Variants in MVB12B observed in about 807,000 individuals in gnomAD.
The protein encoded by MVB12B is ESCRT-I complex subunit MVB12B.
A neutral mutation model predicts 41.6 loss-of-function variants in MVB12B; 16 were observed. That is an observed-to-expected ratio of 0.38 (90% CI 0.26 to 0.58). MVB12B has a LOEUF of 0.58. MVB12B is among the 20% of genes least tolerant of loss of function. The pLI is 0.62. For synonymous variants in MVB12B, 133 were observed against 139.7 expected, an observed-to-expected ratio of 0.95 and a Z score of 0.34; for missense variants, 274 against 380.2, an observed-to-expected ratio of 0.72 and a Z score of 2.32.
Position 126,386,519 on chromosome 9 carries a change from A to G in MVB12B, c.313-43A>G, listed in dbSNP as rs750971278. 1.1e-5 allele frequency: 17 copies of G among 1,483,304 alleles called. No homozygotes were observed. The highest frequency in any genetic ancestry group is 9.4e-6 in the Non-Finnish European group (10 of 1,062,354). The allele number at this position is 1,483,304 out of a possible 1,614,324, so 91.9% of individuals were successfully genotyped here. A position where few individuals can be genotyped will look rare whatever the true frequency, so the allele number is the denominator to read the frequency against. ...CCAAAATGGCAAACCCACCACATGC[A>G]TGTTCAGATTAATAGTCTGTATCTC... On this transcript the variant is annotated intron_variant, in intron 3 of 9. Transcript: ENST00000361171. This position sits in a 1 kb window ranked among gnomAD's most constrained non-coding sequence, Gnocchi z 4.3.
At chr9:126,425,995 TAAA>T (rs935491630) in intron 7 of MVB12B, among the ~76,000 whole-genome samples, 3 of 152,152 alleles carry the variant, frequency 2.0e-5, no homozygotes, top group African/African-American at 7.2e-5. Flanking sequence ...TGGACAAAAA[TAAA>T]AAGAGTAATA....
intron 7 of MVB12B, among the ~76,000 whole-genome samples, chr9:126,441,439 A>C (rs1832637928): frequency 1.3e-5 from 2 of 152,232 alleles, no homozygotes; most frequent in Admixed American, 1.3e-4. Flanking sequence ...AGACTAGCAT[A>C]TTTATCTTTG....
intron 2 of MVB12B, among the ~76,000 whole-genome samples, chr9:126,361,380 A>AT (rs1011684823): frequency 6.6e-6 from 1 of 151,872 alleles, no homozygotes; most frequent in Admixed American, 6.6e-5. Flanking sequence ...GTTGGCATAC[A>AT]TTTTTTTTCT....
chr9:126,427,032 C>G (rs1248640089), intron 7 of MVB12B: 1 of 152,164 alleles, frequency 6.6e-6, no homozygotes, highest in Non-Finnish European at 1.5e-5. Flanking sequence ...GAGTGTTAGT[C>G]CTATGGATAC....
intron 7 of MVB12B, among the ~76,000 whole-genome samples, chr9:126,475,076 G>A (rs1036273284): frequency 6.6e-6 from 1 of 152,108 alleles, no homozygotes; most frequent in Non-Finnish European, 1.5e-5. Context: ...GTTATTCCAC[G>A]CCTCTTCCAT....
In MVB12B at chr9:126,392,381, T is replaced by C. The variant is rs1830984162; in HGVS notation, c.539+186T>C. On this transcript the variant is annotated intron_variant, in intron 5 of 9. Coordinates refer to ENST00000361171, the MANE Select transcript of MVB12B (RefSeq NM_033446.3). This position sits in a 1 kb window ranked among gnomAD's most constrained non-coding sequence, Gnocchi z 4.8. ...GGTCTCTCTGAGCCTCGGCTCGCAC[T>C]GCTGACTCCACCTTAGGGCCTTTCC... 6.6e-6 allele frequency among the ~76,000 whole-genome samples: 1 copy of C among 152,216 alleles called. No homozygotes were observed.
chr9:126,350,572 G>A (rs1033462549), intron 2 of MVB12B, among the ~76,000 whole-genome samples: 1 of 152,234 alleles, frequency 6.6e-6, no homozygotes, highest in African/African-American at 2.4e-5. Flanking sequence ...TGAAGATTCA[G>A]CAGAGTCCCA....
intron 7 of MVB12B, among the ~76,000 whole-genome samples, chr9:126,428,789 T>A (rs1832252030): frequency 6.6e-6 from 1 of 152,168 alleles, no homozygotes; most frequent in Non-Finnish European, 1.5e-5. Flanking sequence ...GTGTTCCTGA[T>A]AACCACCAAG....
chr9:126,497,401 C>G (rs967938173), intron 9 of MVB12B, among the ~76,000 whole-genome samples: 1 of 152,082 alleles, frequency 6.6e-6, no homozygotes, highest in Non-Finnish European at 1.5e-5. Context: ...GCCCACGCCC[C>G]GCAGTGTGGT....
rs1027898904 is a variant in MVB12B, at chr9:126,391,799, TGCG to T, written c.410-264_410-262del. ...GGCTGAGCAGTGAGCAGATTGTGGT[TGCG>T]GCTCTTAGAAGCCACCCAGATTTAC... On this transcript the variant is annotated intron_variant, in intron 4 of 9. Transcript: ENST00000361171. This position sits in a 1 kb window ranked among gnomAD's most constrained non-coding sequence, Gnocchi z 4.4. Among the ~76,000 whole-genome samples the T allele has an allele frequency of 6.6e-6, 1 of 152,208 alleles. No homozygotes were observed. Among genetic ancestry groups the T allele is most frequent in the African/African-American group, 2.4e-5 (1 of 41,452 alleles).
intron 1 of MVB12B, among the ~76,000 whole-genome samples, chr9:126,329,994 G>A (rs956253942): frequency 6.7e-6 from 1 of 148,982 alleles, no homozygotes; most frequent in Non-Finnish European, 1.5e-5. Context: ...TCCCTGCGCT[G>A]TCTGCACTAG....
intron 7 of MVB12B, among the ~76,000 whole-genome samples, chr9:126,477,824 G>C (rs1176264649): frequency 3.3e-5 from 5 of 152,214 alleles, no homozygotes; most frequent in African/African-American, 1.2e-4. Context: ...TAAACTCAGA[G>C]CAGCCAGCCT....
At chr9:126,458,593 C>T (rs758076258) in intron 7 of MVB12B, among the ~76,000 whole-genome samples, 2 of 152,298 alleles carry the variant, frequency 1.3e-5, no homozygotes, top group African/African-American at 2.4e-5. Flanking sequence ...TTGGGCCTTG[C>T]GTTTCATGGT....
At position 126,476,947 on chromosome 9, in the gene MVB12B, T is replaced by G. The variant is rs142249681; in HGVS notation, c.758-4422T>G. On this transcript the variant is annotated intron_variant, in intron 7 of 9. Coordinates refer to ENST00000361171, the MANE Select transcript of MVB12B (RefSeq NM_033446.3). ...GTATATTTTTACATAATATATGTGATATATATATATTTGTGTGTTAGGCTG... is the reference window on the plus strand; with the variant it reads ...GTATATTTTTACATAATATATGTGAGATATATATATTTGTGTGTTAGGCTG... Among the ~76,000 whole-genome samples, 12 of 151,936 alleles carry G rather than the reference T, an allele frequency of 7.9e-5. No homozygotes were observed. In the East Asian group the frequency reaches 2.3e-3, roughly 29 times the overall value.
At chr9:126,441,501 G>C (rs1262321922) in intron 7 of MVB12B, among the ~76,000 whole-genome samples, 1 of 152,210 alleles carries the variant, frequency 6.6e-6, no homozygotes, top group South Asian at 2.1e-4. Context: ...GATAAAAATG[G>C]ATTTACCTTT....
chr9:126,497,675 A>T (rs1833867251), intron 9 of MVB12B, among the ~76,000 whole-genome samples: 1 of 149,272 alleles, frequency 6.7e-6, no homozygotes, highest in Non-Finnish European at 1.5e-5. Context: ...CCTACCCCCA[A>T]GGCCCACCTG....
intron 6 of MVB12B, among the ~76,000 whole-genome samples, chr9:126,405,586 A>G (rs1255447518): frequency 1.3e-5 from 2 of 151,882 alleles, no homozygotes; most frequent in Non-Finnish European, 2.9e-5. Flanking sequence ...TGGGCGTTAA[A>G]CCAGCGATAT....
chr9:126,452,904 G>C (rs1289843540), intron 7 of MVB12B, among the ~76,000 whole-genome samples: 1 of 152,150 alleles, frequency 6.6e-6, no homozygotes, highest in African/African-American at 2.4e-5. Flanking sequence ...TTGCAGTCTA[G>C]TTCTTTCTCA....
rs138024671 is a variant in MVB12B at position 126,438,517 on chromosome 9, A to G, written c.757+16569A>G. Among the ~76,000 whole-genome samples, 18 of 152,234 alleles carry G rather than the reference A, an allele frequency of 1.2e-4. 1 individual carries two copies. Among genetic ancestry groups the G allele is most frequent in the African/African-American group, 4.3e-4 (18 of 41,530 alleles). ...TCGGATCCAAGTCCAGGTGGTGTGT[A>G]CCCCTAGGTAACATTCATGTAGGCT... On this transcript the variant is annotated intron_variant, in intron 7 of 9. Coordinates refer to ENST00000361171, the MANE Select transcript of MVB12B (RefSeq NM_033446.3).
Sources: gnomAD v4.1 joint callset for allele counts (sites outside exome capture counted in the v4.1 genomes callset) on GRCh38, gnomAD v4.1.1 for gene constraint, Gnocchi (gnomAD v3.1) non-coding constraint, MANE v1.5 for transcripts, NCBI Gene and HGNC (gene_info 2026-07-23, HGNC 2026-07-21) for gene names.